The following FIGN variants were observed in gnomAD, a reference collection of about 807,000 sequenced individuals.
FIGN encodes fidgetin, microtubule severing factor, also known as fidgetin.
Under a neutral mutation model 51.3 loss-of-function variants are expected in FIGN, and 11 were observed. That is an observed-to-expected ratio of 0.21 (90% CI 0.13 to 0.35). The LOEUF (loss-of-function observed/expected upper bound fraction) is 0.35. Ranked by LOEUF, FIGN falls within the 10% of genes least tolerant of loss-of-function variation. The pLI, the probability that FIGN is intolerant of heterozygous loss-of-function variation, is 1.00. For synonymous variants in FIGN, 407 were observed against 363.2 expected, an observed-to-expected ratio of 1.12 and a Z score of -1.37; for missense variants, 857 against 943.6, an observed-to-expected ratio of 0.91 and a Z score of 1.20.
At chr2:163,704,911 A>G (rs1051148964) in intron 2 of FIGN, among the ~76,000 whole-genome samples, 2 of 152,126 alleles carry the variant, frequency 1.3e-5, no homozygotes, top group African/African-American at 4.8e-5. Flanking sequence ...TTCACATTAT[A>G]TGCAACTAAT....
At chr2:163,697,000 G>A (rs981636675) in intron 2 of FIGN, among the ~76,000 whole-genome samples, 2 of 151,314 alleles carry the variant, frequency 1.3e-5, no homozygotes, top group Non-Finnish European at 2.9e-5. Flanking sequence ...CTAGGATATA[G>A]ATACAGAGGA....
At chr2:163,706,034 C>T (rs1356245976) in intron 2 of FIGN, among the ~76,000 whole-genome samples, 1 of 152,162 alleles carries the variant, frequency 6.6e-6, no homozygotes, top group Non-Finnish European at 1.5e-5. Context: ...ACATCTCAGA[C>T]AGCCTGAAGC....
intron 2 of FIGN, among the ~76,000 whole-genome samples, chr2:163,657,398 A>G (rs766376967): frequency 6.6e-5 from 10 of 152,130 alleles, no homozygotes; most frequent in East Asian, 5.8e-4. Context: ...ATGAATTCCA[A>G]TGAAAAAATC....
At chr2:163,724,958 G>A (rs1229002426) in intron 2 of FIGN, among the ~76,000 whole-genome samples, 2 of 151,848 alleles carry the variant, frequency 1.3e-5, no homozygotes, top group Non-Finnish European at 2.9e-5. Context: ...ATTAATATTA[G>A]GGTTTAATTT....
intron 2 of FIGN, among the ~76,000 whole-genome samples, chr2:163,671,045 G>A (rs1683867030): frequency 6.6e-6 from 1 of 152,044 alleles, no homozygotes; most frequent in African/African-American, 2.4e-5. Flanking sequence ...TATATAACAC[G>A]GTGATTCCCA....
chr2:163,659,823 C>A (rs889685749), intron 2 of FIGN, among the ~76,000 whole-genome samples: 7 of 152,126 alleles, frequency 4.6e-5, no homozygotes, highest in African/African-American at 1.7e-4. Flanking sequence ...AGTAAAGAGG[C>A]CAGGTGTGGT....
At chr2:163,629,525 A>AT (rs1395477753) in intron 2 of FIGN, among the ~76,000 whole-genome samples, 1 of 151,950 alleles carries the variant, frequency 6.6e-6, no homozygotes, top group Non-Finnish European at 1.5e-5. Context: ...GGAGCGGGGG[A>AT]TTTTTTTAAA....
At chr2:163,701,965 C>G (rs1684414359) in intron 2 of FIGN, among the ~76,000 whole-genome samples, 2 of 152,068 alleles carry the variant, frequency 1.3e-5, no homozygotes, top group African/African-American at 4.8e-5. Flanking sequence ...AACCTCGCCC[C>G]CAGCTCTGTG....
intron 2 of FIGN, among the ~76,000 whole-genome samples, chr2:163,684,519 AC>A (rs1684114800): frequency 6.6e-6 from 1 of 152,126 alleles, no homozygotes; most frequent in Admixed American, 6.5e-5. Flanking sequence ...ATAGAATTTA[AC>A]CCATTAGGTC....
intron 2 of FIGN, among the ~76,000 whole-genome samples, chr2:163,614,683 T>C (rs1682840633): frequency 6.6e-6 from 1 of 152,066 alleles, no homozygotes; most frequent in Non-Finnish European, 1.5e-5. Flanking sequence ...CACACACACA[T>C]ACGTACGCAC....
At chr2:163,612,535 T>C (rs906471026) in intron 2 of FIGN, 11 of 985,058 alleles carry the variant, frequency 1.1e-5, no homozygotes, top group Non-Finnish European at 1.3e-5. Flanking sequence ...TACAACTCGG[T>C]ATGAATTACA....
Position 163,610,311 on chromosome 2 carries a change from C to G in FIGN, c.1521G>C (p.Leu507Phe), listed in dbSNP as rs755431949. 3.7e-6 allele frequency: 6 copies of G among 1,614,010 alleles called. No homozygotes were observed. Among genetic ancestry groups the G allele is most frequent in the Non-Finnish European group, 5.1e-6 (6 of 1,180,016 alleles). The stretch of plus-strand genomic sequence containing the variant: ...TCAGTCCACTGAACGCGTCTGACCT[C>G]AACACTGGCCATAAAACCTCCTCTT... The part of the protein sequence containing the change: ...VIKEEVLWPV[L>F]RSDAFSGLTA... Residue 507 changes from leucine to phenylalanine, a missense_variant, in exon 3 of 3, where the codon TTG becomes TTC. This residue lies in a region of FIGN where 799 missense variants were observed against 849.5 expected (regional missense o/e 0.94). Transcript: ENST00000333129.
chr2:163,686,771 T>TAC (rs770168995), intron 2 of FIGN, among the ~76,000 whole-genome samples: 6 of 105,202 alleles, frequency 5.7e-5, no homozygotes, highest in African/African-American at 6.3e-5. Flanking sequence ...TATATATATA[T>TAC]ACACATACAC....
chr2:163,700,065 G>C (rs1237755154), intron 2 of FIGN, among the ~76,000 whole-genome samples: 1 of 152,030 alleles, frequency 6.6e-6, no homozygotes, highest in Non-Finnish European at 1.5e-5. Flanking sequence ...GAAGGAAGGA[G>C]AAGAAGAAGA....
intron 2 of FIGN, among the ~76,000 whole-genome samples, chr2:163,653,029 T>C (rs1425228870): frequency 6.6e-6 from 1 of 152,130 alleles, no homozygotes; most frequent in African/African-American, 2.4e-5. Flanking sequence ...GGAGCCAGAC[T>C]TCCAGAGTTT....
chr2:163,624,648 G>T (rs1349824767), intron 2 of FIGN, among the ~76,000 whole-genome samples: 1 of 150,390 alleles, frequency 6.6e-6, no homozygotes, highest in Non-Finnish European at 1.5e-5. Flanking sequence ...GCAGTGTCTT[G>T]TAGCTGGATT....
At chr2:163,715,357 G>C (rs1378299562) in intron 2 of FIGN, among the ~76,000 whole-genome samples, 3 of 152,160 alleles carry the variant, frequency 2.0e-5, no homozygotes, top group Non-Finnish European at 4.4e-5. Context: ...GGGAGATTCG[G>C]GATTTTGAGC....
At chr2:163,702,606 A>T (rs918561214) in intron 2 of FIGN, among the ~76,000 whole-genome samples, 5 of 152,142 alleles carry the variant, frequency 3.3e-5, no homozygotes, top group African/African-American at 1.2e-4. Flanking sequence ...AAAAAAGAAG[A>T]AAAAAGTCCC....
intron 2 of FIGN, among the ~76,000 whole-genome samples, chr2:163,663,385 A>T (rs532554533): frequency 6.6e-6 from 1 of 151,844 alleles, no homozygotes; most frequent in African/African-American, 2.4e-5. Flanking sequence ...CCCAGGCTGG[A>T]ATGCAATGGC....
Sources: gnomAD v4.1 joint callset for allele counts (sites outside exome capture counted in the v4.1 genomes callset) on GRCh38, gnomAD v4.1.1 for gene constraint, gnomAD v4.1.1 regional missense constraint, MANE v1.5 for transcripts, NCBI Gene and HGNC (gene_info 2026-07-23, HGNC 2026-07-21) for gene names.